The following TMEM37 variants were observed in gnomAD, a reference collection of about 807,000 sequenced individuals.
TMEM37 encodes voltage-dependent calcium channel gamma-like subunit.
Under a neutral mutation model 11.0 loss-of-function variants are expected in TMEM37, and 12 were observed. The ratio of observed to expected loss-of-function variants is 1.09; its 90% CI spans 0.70 to 1.76. The LOEUF (loss-of-function observed/expected upper bound fraction) is 1.76, where lower values mean the gene tolerates loss of function less well. TMEM37 is among the 40% of genes most tolerant of loss of function. TMEM37 has a pLI of 0.00. For missense variants in TMEM37, 203 were observed against 251.2 expected, an observed-to-expected ratio of 0.81 and a Z score of 1.30; for synonymous variants, 127 against 110.5, an observed-to-expected ratio of 1.15 and a Z score of -0.94.
At chr2:119,435,481 GAC>G (rs986987073) in intron 1 of TMEM37, among the ~76,000 whole-genome samples, 20 of 152,214 alleles carry the variant, frequency 1.3e-4, no homozygotes, top group African/African-American at 4.6e-4. Context: ...GCAGCTTCTA[GAC>G]ACACTGCAAA....
upstream of TMEM37, chr2:119,429,994 A>G (rs1682361515): frequency 5.8e-6 from 9 of 1,549,324 alleles, no homozygotes; most frequent in Non-Finnish European, 7.0e-6. Flanking sequence ...GTGAGATGCT[A>G]TGATCCAGAA....
Position 119,437,457 on chromosome 2 carries a change from C to T in TMEM37, c.*17C>T, listed in dbSNP as rs571892205. On this transcript the variant is annotated 3_prime_UTR_variant, in exon 2 of 2. Coordinates refer to ENST00000306406, the MANE Select transcript of TMEM37 (RefSeq NM_183240.3). ...TGGGAATGACCGTGGAAATTTTAGG[C>T]CCCCTCCAGGGACATCAGATTCCAC... 3.1e-6 allele frequency: 5 copies of T among 1,605,362 alleles called. No individual in the cohort carries two copies. Among genetic ancestry groups the T allele is most frequent in the African/African-American group, 1.3e-5 (1 of 74,698 alleles).
chr2:119,436,661 A>G (rs2579634), intron 1 of TMEM37, among the ~76,000 whole-genome samples: 96,402 of 151,538 alleles, frequency 0.64, 31,030 homozygotes, highest in Non-Finnish European at 0.69. Context: ...AAAGGTCAGG[A>G]AGCTCTTAGT....
intron 1 of TMEM37, among the ~76,000 whole-genome samples, chr2:119,434,253 C>G (rs1268438659): frequency 6.6e-6 from 1 of 152,110 alleles, no homozygotes; most frequent in Non-Finnish European, 1.5e-5. Context: ...TTTTTAGGAC[C>G]ATTTATCATT....
chr2:119,430,194 G>C, upstream of TMEM37: 1 of 641,958 alleles, frequency 1.6e-6, no homozygotes, highest in Non-Finnish European at 2.9e-6. Flanking sequence ...AGAGCAGAGA[G>C]GCACCAGGCT....
upstream of TMEM37, chr2:119,430,083 CCA>C: frequency 1.0e-6 from 1 of 997,100 alleles, no homozygotes; most frequent in Non-Finnish European, 1.5e-6. Flanking sequence ...TCTTCCTTTC[CCA>C]TGTGGGCTCT....
upstream of TMEM37, chr2:119,431,785 C>A: frequency 3.0e-5 from 23 of 756,738 alleles, no homozygotes; most frequent in Non-Finnish European, 4.1e-5. Flanking sequence ...AACGCCCCCT[C>A]CCGCCCCGCC....
At chr2:119,432,489 G>A (rs976958838) in intron 1 of TMEM37, among the ~76,000 whole-genome samples, 4 of 152,116 alleles carry the variant, frequency 2.6e-5, no homozygotes, top group African/African-American at 9.7e-5. Context: ...TCTGGCGAGG[G>A]AAGAAGCCCG....
intron 1 of TMEM37, 31 bp downstream of exon 1, chr2:119,431,955 G>T: frequency 8.2e-7 from 1 of 1,216,050 alleles, no homozygotes; most frequent in South Asian, 4.1e-5. Flanking sequence ...CGCTGACCCG[G>T]GGTGCTGCCC....
At chr2:119,431,126 G>A (rs181811158), upstream of TMEM37, among the ~76,000 whole-genome samples, 3 of 152,004 alleles carry the variant, frequency 2.0e-5, no homozygotes, top group East Asian at 5.8e-4. Flanking sequence ...TCCAGCCTGG[G>A]CCACAAGCGC....
chr2:119,436,782 T>G, intron 1 of TMEM37, 107 bp from the exon 2 acceptor site: 1 of 914,798 alleles, frequency 1.1e-6, no homozygotes, highest in Non-Finnish European at 1.7e-6. Flanking sequence ...AAGCAGAGAA[T>G]AAGACAGTGC....
In TMEM37 at chr2:119,437,657, G is replaced by C; in HGVS notation, c.*217G>C. On this transcript the variant is annotated 3_prime_UTR_variant, in exon 2 of 2. Transcript: ENST00000306406. The stretch of plus-strand genomic sequence containing the variant: ...GGCCAGAGGCCAGGAGGGTGCCTCA[G>C]TGCCACCAACTGCACAGGCTTAGCC... The C allele has an allele frequency of 6.6e-6, 4 of 607,406 alleles. No individual in the cohort carries two copies. The highest frequency in any genetic ancestry group is 1.1e-5 in the Non-Finnish European group (4 of 349,508). The allele number at this position is 607,406 out of a possible 1,614,324, so 37.6% of individuals were successfully genotyped here.
chr2:119,433,243 C>G (rs1682438229), intron 1 of TMEM37, among the ~76,000 whole-genome samples: 1 of 152,234 alleles, frequency 6.6e-6, no homozygotes, highest in African/African-American at 2.4e-5. Context: ...GCGGGTGCTC[C>G]GGCCGCTTCG....
At chr2:119,430,185 G>T (rs79692585), upstream of TMEM37, 1 of 642,266 alleles carries the variant, frequency 1.6e-6, no homozygotes, top group East Asian at 2.8e-5. Flanking sequence ...GAAGGCCCCA[G>T]AGCAGAGAGG....
chr2:119,436,363 G>A (rs1010008564), intron 1 of TMEM37, among the ~76,000 whole-genome samples: 1 of 152,212 alleles, frequency 6.6e-6, no homozygotes, highest in Admixed American at 6.5e-5. Context: ...TGGGCTGAAC[G>A]TGGACAGCTC....
intron 1 of TMEM37, 134 bp downstream of exon 1, chr2:119,432,058 C>G (rs1327327449): frequency 1.8e-6 from 1 of 563,796 alleles, no homozygotes; most frequent in Non-Finnish European, 2.6e-6. Context: ...CCCCCCGTGC[C>G]CGCCCCCTGT....
intron 1 of TMEM37, among the ~76,000 whole-genome samples, chr2:119,435,003 T>A (rs1682471448): frequency 6.6e-6 from 1 of 152,178 alleles, no homozygotes; most frequent in Non-Finnish European, 1.5e-5. Flanking sequence ...ATCATACAAT[T>A]GTCTGGGCAG....
chr2:119,430,479 C>T, upstream of TMEM37: 1 of 470,152 alleles, frequency 2.1e-6, no homozygotes, highest in Non-Finnish European at 4.4e-6. Context: ...TGGGCCATTT[C>T]TCCGTTTGTC....
chr2:119,432,111 G>A (rs1340033098), intron 1 of TMEM37, 187 bp downstream of exon 1: 6 of 389,400 alleles, frequency 1.5e-5, no homozygotes, highest in Non-Finnish European at 2.2e-5. Context: ...GAGCAACCTC[G>A]GGGGGCCTGC....
Sources: gnomAD v4.1 joint callset for allele counts (sites outside exome capture counted in the v4.1 genomes callset) on GRCh38, gnomAD v4.1.1 for gene constraint, MANE v1.5 for transcripts, NCBI Gene and HGNC (gene_info 2026-07-23, HGNC 2026-07-21) for gene names.